The following CMSS1 variants were observed in gnomAD, a reference collection of about 807,000 sequenced individuals.
The protein encoded by CMSS1 is cms1 ribosomal small subunit homolog, also known as protein CMSS1.
Under a neutral mutation model 43.5 loss-of-function variants are expected in CMSS1, and 33 were observed. That is an observed-to-expected ratio of 0.76 (90% CI 0.57 to 1.01). The LOEUF (loss-of-function observed/expected upper bound fraction) is 1.01. Among genes scored for constraint, CMSS1 ranks in the 50% least tolerant of loss-of-function variants. The pLI, the probability that CMSS1 is intolerant of heterozygous loss-of-function variation, is 0.00. For synonymous variants in CMSS1, 115 were observed against 117.2 expected, an observed-to-expected ratio of 0.98 and a Z score of 0.12; for missense variants, 313 against 326.4, an observed-to-expected ratio of 0.96 and a Z score of 0.32.
chr3:99,925,369 T>G, intron 1 of CMSS1, among the ~76,000 whole-genome samples: 1 of 152,210 alleles, frequency 6.6e-6, no homozygotes, highest in East Asian at 1.9e-4. Flanking sequence ...GACTGTGAAC[T>G]CCCTGAAAGC....
intron 1 of CMSS1, among the ~76,000 whole-genome samples, chr3:99,919,118 G>A (rs1193260893): frequency 6.6e-6 from 1 of 152,018 alleles, no homozygotes; most frequent in African/African-American, 2.4e-5. Context: ...ACCCTTAAAA[G>A]CTGAGATTTA....
intron 1 of CMSS1, among the ~76,000 whole-genome samples, chr3:100,013,091 G>C (rs1710209615): frequency 6.6e-6 from 1 of 152,050 alleles, no homozygotes; most frequent in African/African-American, 2.4e-5. Context: ...TGTCCGGGCT[G>C]ATCTTGAACT....
At chr3:99,898,825 T>G (rs1576557277) in intron 1 of CMSS1, 1 of 152,236 alleles carries the variant, frequency 6.6e-6, no homozygotes, top group East Asian at 1.9e-4. Flanking sequence ...TGTTTTTGCT[T>G]TGTTTTAATA....
chr3:99,975,667 C>G (rs750036819), intron 1 of CMSS1, among the ~76,000 whole-genome samples: 1 of 151,924 alleles, frequency 6.6e-6, no homozygotes, highest in African/African-American at 2.4e-5. Context: ...AACTGAGAAA[C>G]ACAGAGGAAG....
chr3:99,840,849 C>G (rs1943101004), intron 1 of CMSS1, among the ~76,000 whole-genome samples: 1 of 152,196 alleles, frequency 6.6e-6, no homozygotes, highest in African/African-American at 2.4e-5. Flanking sequence ...ATTTGCCTGC[C>G]TCCAGTGCTC....
At position 100,181,582 on chromosome 3, in the gene CMSS1, A is replaced by G. The variant is rs940480592; in HGVS notation, c.*3194A>G. The G allele has an allele frequency of 1.1e-4, 16 of 152,222 alleles. No homozygotes were observed. The highest frequency in any genetic ancestry group is 3.9e-4 in the African/African-American group (16 of 41,450). The allele number at this position is 152,222 out of a possible 1,614,324, so 9.4% of individuals were successfully genotyped here. A position where few individuals can be genotyped will look rare whatever the true frequency, so the allele number is the denominator to read the frequency against. The stretch of plus-strand genomic sequence containing the variant: ...TGTTGTATCTTTTTGGTTTCTTCAG[A>G]CCAGTGACAGTTCCTCAGTATTTCC... On this transcript the variant is annotated 3_prime_UTR_variant, in exon 10 of 10. Coordinates refer to ENST00000421999, the MANE Select transcript of CMSS1 (RefSeq NM_032359.4).
chr3:99,851,099 GTGAT>G lies in CMSS1; in HGVS notation c.64+33061_64+33064del, dbSNP rs1345864150. 7.9e-6 allele frequency: 12 copies of G among 1,523,624 alleles called. No homozygotes were observed. The Admixed American group carries it at 8.5e-5, about 11-fold the overall frequency. The allele number at this position is 1,523,624 out of a possible 1,614,324, so 94.4% of individuals were successfully genotyped here. A position where few individuals can be genotyped will look rare whatever the true frequency, so the allele number is the denominator to read the frequency against. On this transcript the variant is annotated intron_variant, in intron 1 of 9. Coordinates refer to ENST00000421999, the MANE Select transcript of CMSS1 (RefSeq NM_032359.4). ...AAAAATGTAAAGTGCATTTTATTTT[GTGAT>G]TGATGCTTTAGTAACTCATCGAATG...
intron 1 of CMSS1, among the ~76,000 whole-genome samples, chr3:99,857,924 A>G (rs559650955): frequency 1.3e-5 from 2 of 152,340 alleles, no homozygotes; most frequent in East Asian, 3.9e-4. Flanking sequence ...AATCATTAGT[A>G]CTAAGGCTAT....
At chr3:99,924,488 TTTGA>T in intron 1 of CMSS1, 1 of 1,382,558 alleles carries the variant, frequency 7.2e-7, no homozygotes, top group African/African-American at 1.5e-5. Context: ...ATGTCCCTGT[TTTGA>T]TTAATTCGGC....
At chr3:100,054,933 C>T (rs1489583438) in intron 1 of CMSS1, among the ~76,000 whole-genome samples, 1 of 152,204 alleles carries the variant, frequency 6.6e-6, no homozygotes, top group African/African-American at 2.4e-5. Flanking sequence ...TTAATCACAA[C>T]ATAGTTCCTT....
At chr3:100,091,604 T>C (rs2066111323) in intron 1 of CMSS1, among the ~76,000 whole-genome samples, 1 of 152,252 alleles carries the variant, frequency 6.6e-6, no homozygotes, top group Non-Finnish European at 1.5e-5. Flanking sequence ...CTGACTTACA[T>C]TACAAAAGTA....
chr3:100,098,970 T>C (rs1398900767), intron 1 of CMSS1, among the ~76,000 whole-genome samples: 1 of 152,240 alleles, frequency 6.6e-6, no homozygotes, highest in Non-Finnish European at 1.5e-5. Flanking sequence ...CAGCCATGCA[T>C]GGGATGTGGA....
chr3:100,160,455 CA>C lies in CMSS1; in HGVS notation c.182del (p.Lys61ArgfsTer38). 1 of 1,511,352 alleles carries C rather than the reference CA, an allele frequency of 6.6e-7. No homozygotes were observed. The highest frequency in any genetic ancestry group is 9.2e-7 in the Non-Finnish European group (1 of 1,091,442). 93.6% of individuals were successfully genotyped at this position (1,511,352 alleles called of 1,614,324 possible). On this transcript the variant is annotated frameshift_variant, in exon 3 of 10. Transcript: ENST00000421999. LOFTEE classifies it high-confidence loss of function. ...KQPKECFLIQ[P>X]KERKENTTKT... is the part of the protein sequence containing the mutation. ...CCTAAAGAATGTTTTTTGATACAAC[CA>C]AAGGAAAGAAAAGAGAATACCACCA...
chr3:100,144,110 CTTTTG>C (rs2066827354), intron 1 of CMSS1, among the ~76,000 whole-genome samples: 1 of 151,854 alleles, frequency 6.6e-6, no homozygotes, highest in Middle Eastern at 3.4e-3. Context: ...ACGTTTTTTT[CTTTTG>C]TTTGATCACT....
In CMSS1 at chr3:99,872,650, C is replaced by G. The variant is rs182416905; in HGVS notation, c.64+54607C>G. On this transcript the variant is annotated intron_variant, in intron 1 of 9. Transcript: ENST00000421999. ...CTTAACAATTTATCATATTTTGGAG[C>G]CAGTAGAGCATAGAAATGTGAGGAC... is the stretch of plus-strand genomic sequence containing the variant. 2.7e-4 allele frequency among the ~76,000 whole-genome samples: 41 copies of G among 152,092 alleles called. No individual in the cohort carries two copies. In the East Asian group the frequency reaches 7.6e-3, roughly 28 times the overall value.
chr3:100,102,701 A>G (rs1019534003), intron 1 of CMSS1, among the ~76,000 whole-genome samples: 1 of 152,318 alleles, frequency 6.6e-6, no homozygotes, highest in South Asian at 2.1e-4. Context: ...GACTAAATTC[A>G]TGACCCCAGG....
At chr3:99,972,405 CCT>C (rs1294405857) in intron 1 of CMSS1, among the ~76,000 whole-genome samples, 1 of 152,164 alleles carries the variant, frequency 6.6e-6, no homozygotes, top group Non-Finnish European at 1.5e-5. Context: ...CCGTGAGAAG[CCT>C]CTGTCTTGCA....
chr3:100,108,423 T>G (rs1324304007), intron 1 of CMSS1, among the ~76,000 whole-genome samples: 1 of 152,172 alleles, frequency 6.6e-6, no homozygotes, highest in Non-Finnish European at 1.5e-5. Context: ...TTATCTGCAT[T>G]TTATGGCTGA....
chr3:100,067,354 C>T (rs1469415680), intron 1 of CMSS1, among the ~76,000 whole-genome samples: 1 of 152,112 alleles, frequency 6.6e-6, no homozygotes, highest in Non-Finnish European at 1.5e-5. Context: ...GAGACTCATA[C>T]CTTGGAAAGC....
Sources: allele counts gnomAD v4.1 joint callset (sites outside exome capture counted in the v4.1 genomes callset), GRCh38; gene constraint gnomAD v4.1.1; transcripts MANE v1.5; gene names NCBI Gene and HGNC (gene_info 2026-07-23, HGNC 2026-07-21).